The following STX8 variants were observed in gnomAD, a reference collection of about 807,000 sequenced individuals.
STX8 encodes syntaxin-8.
In STX8, 23 loss-of-function variants were observed where a neutral mutation model predicts 37.5. That is an observed-to-expected ratio of 0.61 (90% confidence interval 0.44 to 0.87). STX8 has a LOEUF of 0.87. STX8 is among the 40% of genes least tolerant of loss of function. STX8 has a pLI of 0.00. For missense variants in STX8, 313 were observed against 284.7 expected, an observed-to-expected ratio of 1.10 and a Z score of -0.71; for synonymous variants, 115 against 99.1, an observed-to-expected ratio of 1.16 and a Z score of -0.95.
At chr17:9,397,902 C>T (rs6503194) in intron 6 of STX8, among the ~76,000 whole-genome samples, 35,294 of 149,320 alleles carry the variant, frequency 0.24, 4,467 homozygotes, top group African/African-American at 0.32. Context: ...GCAGGAGAAT[C>T]GCTTGAACCC....
intron 7 of STX8, among the ~76,000 whole-genome samples, chr17:9,293,855 G>C: frequency 6.6e-6 from 1 of 151,754 alleles, no homozygotes; most frequent in South Asian, 2.1e-4. Context: ...TCCGCCTCCC[G>C]GGTTCACGCC....
chr17:9,574,443 T>C (rs1041626719), intron 1 of STX8, among the ~76,000 whole-genome samples: 5 of 152,170 alleles, frequency 3.3e-5, no homozygotes, highest in African/African-American at 4.8e-5. Context: ...AAAGATGCTA[T>C]TTATTTTCCT....
At chr17:9,519,408 C>T (rs1267227794) in intron 4 of STX8, among the ~76,000 whole-genome samples, 1 of 151,902 alleles carries the variant, frequency 6.6e-6, no homozygotes, top group African/African-American at 2.4e-5. Context: ...CATCAACAAA[C>T]AAGGCCTCCC....
At chr17:9,328,574 T>C (rs748065109) in intron 7 of STX8, among the ~76,000 whole-genome samples, 1 of 152,158 alleles carries the variant, frequency 6.6e-6, no homozygotes, top group African/African-American at 2.4e-5. Flanking sequence ...GCAGAAAGAC[T>C]TGATCACGGG....
chr17:9,376,167 C>T (rs1911575686), intron 7 of STX8, among the ~76,000 whole-genome samples: 1 of 152,230 alleles, frequency 6.6e-6, no homozygotes, highest in Admixed American at 6.5e-5. Flanking sequence ...GAGAACTTTT[C>T]TGTCTCACTA....
intron 3 of STX8, 183 bp downstream of exon 3, chr17:9,557,251 A>G: frequency 3.6e-6 from 2 of 551,484 alleles, no homozygotes; most frequent in Non-Finnish European, 6.5e-6. Flanking sequence ...CTTTGCCAGC[A>G]TATTCACTGT....
chr17:9,426,324 T>G (rs1026166173), intron 6 of STX8, among the ~76,000 whole-genome samples: 3 of 151,984 alleles, frequency 2.0e-5, no homozygotes, highest in East Asian at 1.9e-4. Flanking sequence ...GTCAGGAGTT[T>G]GAGACCAGCC....
At chr17:9,535,875 A>G (rs916421936) in intron 4 of STX8, among the ~76,000 whole-genome samples, 7 of 152,246 alleles carry the variant, frequency 4.6e-5, no homozygotes, top group Non-Finnish European at 8.8e-5. Flanking sequence ...GTAAATGCAT[A>G]CAATGAAATA....
chr17:9,336,507 C>T (rs1167208992), intron 7 of STX8, among the ~76,000 whole-genome samples: 1 of 151,990 alleles, frequency 6.6e-6, no homozygotes, highest in Non-Finnish European at 1.5e-5. Flanking sequence ...ACGATCTCAG[C>T]TCACTGCAAC....
chr17:9,408,182 G>A (rs1567547589), intron 6 of STX8, among the ~76,000 whole-genome samples: 1 of 152,110 alleles, frequency 6.6e-6, no homozygotes, highest in Non-Finnish European at 1.5e-5. Flanking sequence ...ATAGGAATTT[G>A]GGCAAGATAA....
chr17:9,450,765 C>T (rs1016768573), intron 6 of STX8, among the ~76,000 whole-genome samples: 2 of 151,916 alleles, frequency 1.3e-5, no homozygotes, highest in Non-Finnish European at 2.9e-5. Flanking sequence ...ACTTTTCTCC[C>T]CATTCACACA....
At chr17:9,427,671 G>A (rs1479655465) in intron 6 of STX8, among the ~76,000 whole-genome samples, 1 of 152,104 alleles carries the variant, frequency 6.6e-6, no homozygotes, top group Non-Finnish European at 1.5e-5. Flanking sequence ...TGACAGAGTG[G>A]CAACTGTTGG....
intron 5 of STX8, among the ~76,000 whole-genome samples, chr17:9,504,049 C>A (rs896206006): frequency 2.0e-5 from 3 of 152,058 alleles, no homozygotes; most frequent in African/African-American, 7.2e-5. Context: ...CAGGCGTGAG[C>A]CACCACACCC....
chr17:9,324,133 C>A (rs1347363240), intron 7 of STX8, among the ~76,000 whole-genome samples: 1 of 112,472 alleles, frequency 8.9e-6, no homozygotes, highest in Non-Finnish European at 2.1e-5. Flanking sequence ...CTCTCACACA[C>A]ACACACACAC....
chr17:9,403,358 G>C (rs182148563), intron 6 of STX8, among the ~76,000 whole-genome samples: 3 of 152,264 alleles, frequency 2.0e-5, no homozygotes, highest in South Asian at 2.1e-4. Flanking sequence ...ACACACCATG[G>C]CTCAGTTGTG....
At chr17:9,451,015 A>G (rs73973767) in intron 6 of STX8, among the ~76,000 whole-genome samples, 9,137 of 152,226 alleles carry the variant, frequency 0.06, 714 homozygotes, top group African/African-American at 0.18. Context: ...TGAATAAGAC[A>G]GCCTTACTTA....
intron 2 of STX8, among the ~76,000 whole-genome samples, chr17:9,558,760 T>C (rs1484847156): frequency 1.3e-5 from 2 of 151,814 alleles, no homozygotes; most frequent in African/African-American, 2.4e-5. Flanking sequence ...GAGGCGGAGC[T>C]TGCAGTGAGC....
At chr17:9,458,871 C>T (rs916314434) in intron 6 of STX8, among the ~76,000 whole-genome samples, 8 of 149,066 alleles carry the variant, frequency 5.4e-5, no homozygotes, top group Non-Finnish European at 8.9e-5. Context: ...ACTCTGTTGC[C>T]CAGGCTGGAG....
intron 3 of STX8, chr17:9,547,246 C>CAAAAAAAAAAAAAAAAAAA (rs11300957): frequency 2.7e-4 from 35 of 129,646 alleles, no homozygotes; most frequent in African/African-American, 1.0e-3. Flanking sequence ...GACTCTGTCT[C>CAAAAAAAAAAAAAAAAAAA]AAAAAAAAAA....
Sources: allele counts gnomAD v4.1 joint callset (sites outside exome capture counted in the v4.1 genomes callset), GRCh38; gene constraint gnomAD v4.1.1; transcripts MANE v1.5; gene names NCBI Gene and HGNC (gene_info 2026-07-23, HGNC 2026-07-21).